NKAIN2: variants seen among roughly 807,000 people sequenced by gnomAD.
NKAIN2 encodes the protein sodium/potassium transporting ATPase interacting 2.
Under a neutral mutation model 32.6 loss-of-function variants are expected in NKAIN2, and 14 were observed. The observed-to-expected ratio is 0.43, with a 90% CI of 0.28 to 0.67. The LOEUF is 0.67. NKAIN2 is among the 30% of genes least tolerant of loss of function. The probability of loss-of-function intolerance (pLI) is 0.17; values close to 1 mark genes in which losing one functional copy is unlikely to be tolerated. For missense variants in NKAIN2, 198 were observed against 258.3 expected (o/e 0.77, Z 1.60); for synonymous variants, 80 against 87.2 (o/e 0.92, Z 0.46).
intron 3 of NKAIN2, among the ~76,000 whole-genome samples, chr6:124,613,612 C>T (rs925813136): frequency 5.9e-5 from 9 of 152,120 alleles, no homozygotes; most frequent in Admixed American, 5.9e-4. Context: ...CAGGAAAAAG[C>T]CATGGATGCC....
intron 3 of NKAIN2, among the ~76,000 whole-genome samples, chr6:124,405,699 A>G (rs1773826485): frequency 6.6e-6 from 1 of 152,096 alleles, no homozygotes; most frequent in Non-Finnish European, 1.5e-5. Context: ...TTATTATCCT[A>G]AAATATTAGG....
intron 1 of NKAIN2, among the ~76,000 whole-genome samples, chr6:124,255,072 A>G (rs987750203): frequency 9.2e-5 from 14 of 152,180 alleles, no homozygotes; most frequent in Non-Finnish European, 1.5e-4. Context: ...TTCCTGTTCA[A>G]TTGCATTAGT....
At chr6:124,030,315 T>A (rs1178662072) in intron 1 of NKAIN2, among the ~76,000 whole-genome samples, 1 of 152,164 alleles carries the variant, frequency 6.6e-6, no homozygotes, top group African/African-American at 2.4e-5. Context: ...ATGGAAATAT[T>A]GTTTTCCACG....
chr6:123,890,961 G>T (rs1329711170), intron 1 of NKAIN2, among the ~76,000 whole-genome samples: 1 of 152,102 alleles, frequency 6.6e-6, no homozygotes, highest in African/African-American at 2.4e-5. Context: ...ACAGATGATG[G>T]ATGGACAAAC....
chr6:124,474,486 T>G (rs1190153018), intron 3 of NKAIN2, among the ~76,000 whole-genome samples: 1 of 152,102 alleles, frequency 6.6e-6, no homozygotes, highest in Non-Finnish European at 1.5e-5. Flanking sequence ...CTTTAAGTAT[T>G]ACTGGTAGTT....
intron 4 of NKAIN2, among the ~76,000 whole-genome samples, chr6:124,759,479 A>T (rs1181822736): frequency 2.0e-5 from 3 of 152,068 alleles, no homozygotes; most frequent in Non-Finnish European, 4.4e-5. Flanking sequence ...AGGAATGCTC[A>T]TCCTTCTCTC....
At chr6:124,381,255 G>A (rs1772620823) in intron 3 of NKAIN2, among the ~76,000 whole-genome samples, 1 of 136,230 alleles carries the variant, frequency 7.3e-6, no homozygotes, top group Non-Finnish European at 1.7e-5. Flanking sequence ...CATTACTTAT[G>A]TTAACATAGC....
At chr6:124,403,185 C>T (rs1338034121) in intron 3 of NKAIN2, among the ~76,000 whole-genome samples, 9 of 151,976 alleles carry the variant, frequency 5.9e-5, no homozygotes, top group South Asian at 2.1e-4. Context: ...TTCTATTTTC[C>T]GTTTTATAGT....
intron 4 of NKAIN2, among the ~76,000 whole-genome samples, chr6:124,787,058 G>T (rs1779535348): frequency 6.6e-6 from 1 of 151,826 alleles, no homozygotes; most frequent in Non-Finnish European, 1.5e-5. Flanking sequence ...TCCATTTCAA[G>T]CCCTCCCACC....
intron 1 of NKAIN2, among the ~76,000 whole-genome samples, chr6:124,104,114 G>C (rs1030796183): frequency 6.6e-6 from 1 of 151,924 alleles, no homozygotes; most frequent in African/African-American, 2.4e-5. Context: ...CATAAAAACA[G>C]AAGAAAAAAT....
At chr6:124,310,040 A>T (rs1313743371) in intron 2 of NKAIN2, among the ~76,000 whole-genome samples, 1 of 152,118 alleles carries the variant, frequency 6.6e-6, no homozygotes, top group Non-Finnish European at 1.5e-5. Context: ...TTTCACAGAA[A>T]CTAAGTTCTT....
intron 3 of NKAIN2, among the ~76,000 whole-genome samples, chr6:124,544,718 A>G (rs1048297026): frequency 3.9e-5 from 6 of 152,286 alleles, no homozygotes. Flanking sequence ...TCTGTTCAAC[A>G]TAATAGTTAG....
intron 4 of NKAIN2, among the ~76,000 whole-genome samples, chr6:124,787,263 C>T (rs1779548759): frequency 6.6e-6 from 1 of 151,974 alleles, no homozygotes; most frequent in Admixed American, 6.6e-5. Flanking sequence ...ACAACAAACC[C>T]CCATGACACA....
intron 3 of NKAIN2, among the ~76,000 whole-genome samples, chr6:124,482,415 G>A (rs1206772737): frequency 6.6e-6 from 1 of 152,108 alleles, no homozygotes; most frequent in Non-Finnish European, 1.5e-5. Context: ...TGTGTTCAAC[G>A]TCCTTTTAAA....
At chr6:124,341,945 G>A (rs902729223) in intron 2 of NKAIN2, among the ~76,000 whole-genome samples, 5 of 152,108 alleles carry the variant, frequency 3.3e-5, no homozygotes, top group African/African-American at 1.2e-4. Flanking sequence ...CATAACAATA[G>A]GAAAAGAATA....
At chr6:124,585,561 A>G (rs1781683413) in intron 3 of NKAIN2, among the ~76,000 whole-genome samples, 2 of 152,216 alleles carry the variant, frequency 1.3e-5, no homozygotes, top group African/African-American at 2.4e-5. Flanking sequence ...CTGTAAATAT[A>G]TGCATCAAAC....
chr6:123,813,622 G>A (rs1000107746), intron 1 of NKAIN2, among the ~76,000 whole-genome samples: 1 of 152,084 alleles, frequency 6.6e-6, no homozygotes, highest in Non-Finnish European at 1.5e-5. Flanking sequence ...GACCAGACTG[G>A]CCAACATAGC....
intron 5 of NKAIN2, among the ~76,000 whole-genome samples, chr6:124,806,666 A>G (rs1250613986): frequency 6.6e-6 from 1 of 152,182 alleles, no homozygotes; most frequent in Non-Finnish European, 1.5e-5. Flanking sequence ...AATGGACTAA[A>G]TGCTCCAATT....
At chr6:124,394,383 A>C (rs1773271856) in intron 3 of NKAIN2, among the ~76,000 whole-genome samples, 1 of 152,136 alleles carries the variant, frequency 6.6e-6, no homozygotes. Context: ...AAAAGAAAAA[A>C]GTAAAACATG....
Sources: allele counts gnomAD v4.1 joint callset (sites outside exome capture counted in the v4.1 genomes callset), GRCh38; gene constraint gnomAD v4.1.1; transcripts MANE v1.5; gene names NCBI Gene and HGNC (gene_info 2026-07-23, HGNC 2026-07-21).